MEI4: variants seen among roughly 807,000 people sequenced by gnomAD.
The protein encoded by MEI4 is meiosis-specific protein MEI4.
A neutral mutation model predicts 31.4 loss-of-function variants in MEI4; 27 were observed. The observed-to-expected ratio is 0.86, with a 90% confidence interval of 0.63 to 1.19. The LOEUF is 1.19. Ranked by LOEUF, MEI4 falls within the 50% of genes most tolerant of loss-of-function variation. The pLI, the probability that MEI4 is intolerant of heterozygous loss-of-function variation, is 0.00. For synonymous variants in MEI4, 122 were observed against 145.4 expected (o/e 0.84, Z 1.16); for missense variants, 329 against 398.9 (o/e 0.82, Z 1.49).
At chr6:77,881,808 T>C (rs1490640591) in intron 4 of MEI4, among the ~76,000 whole-genome samples, 4 of 152,186 alleles carry the variant, frequency 2.6e-5, no homozygotes, top group African/African-American at 9.7e-5. Context: ...GTGTGAAATA[T>C]AAGGGGAAAG....
chr6:77,780,361 T>TAA (rs1479277953), intron 3 of MEI4, among the ~76,000 whole-genome samples: 2 of 152,190 alleles, frequency 1.3e-5, no homozygotes, highest in African/African-American at 4.8e-5. Flanking sequence ...ATTAATTACC[T>TAA]ACAGGTGTGT....
intron 4 of MEI4, among the ~76,000 whole-genome samples, chr6:77,841,996 GT>G (rs1189022485): frequency 6.6e-6 from 1 of 151,984 alleles, no homozygotes; most frequent in Non-Finnish European, 1.5e-5. Flanking sequence ...ATACTTGAAG[GT>G]TTCATTACTC....
At chr6:77,780,865 G>A (rs929235321) in intron 3 of MEI4, among the ~76,000 whole-genome samples, 4 of 151,824 alleles carry the variant, frequency 2.6e-5, no homozygotes, top group African/African-American at 7.3e-5. Flanking sequence ...CATCAAGTAT[G>A]CTCCAATAAG....
chr6:77,866,655 A>T lies in MEI4; in HGVS notation c.900+37593A>T, dbSNP rs561429852. On this transcript the variant is annotated intron_variant, in intron 4 of 4. Transcript: ENST00000684080. ...TTGTGAAAATGGCCATACTGCCCAA[A>T]GTAATTTATAGATTCAGTGCCATCC... Among the ~76,000 whole-genome samples, 499 of 152,294 alleles carry T rather than the reference A, an allele frequency of 3.3e-3. 3 individuals are homozygous for T. Among genetic ancestry groups the T allele is most frequent in the Non-Finnish European group, 5.1e-3 (349 of 68,022 alleles).
intron 4 of MEI4, among the ~76,000 whole-genome samples, chr6:77,908,472 A>G (rs1356319690): frequency 6.6e-6 from 1 of 151,964 alleles, no homozygotes; most frequent in Non-Finnish European, 1.5e-5. Flanking sequence ...ATGCGGCATT[A>G]TTTCTGAGGG....
intron 4 of MEI4, among the ~76,000 whole-genome samples, chr6:77,855,890 TTGAGGCCA>T (rs2127719614): frequency 6.6e-6 from 1 of 152,274 alleles, no homozygotes; most frequent in African/African-American, 2.4e-5. Context: ...TGTTAAGTAT[TTGAGGCCA>T]TGATATGCGA....
chr6:77,752,724 A>C (rs1384170233), intron 2 of MEI4, among the ~76,000 whole-genome samples: 1 of 152,184 alleles, frequency 6.6e-6, no homozygotes, highest in African/African-American at 2.4e-5. Flanking sequence ...TTAAGCTACC[A>C]CTGACTTTCT....
intron 4 of MEI4, among the ~76,000 whole-genome samples, chr6:77,872,835 G>T (rs1469211013): frequency 1.3e-5 from 2 of 148,750 alleles, no homozygotes; most frequent in Admixed American, 6.7e-5. Flanking sequence ...GTGGTGTTTG[G>T]TTTTTTGTCC....
chr6:77,771,835 C>T (rs180996102), intron 3 of MEI4, among the ~76,000 whole-genome samples: 19 of 152,002 alleles, frequency 1.2e-4, no homozygotes, highest in Non-Finnish European at 1.6e-4. Context: ...ACCTATTGAG[C>T]ACTGTGCTTA....
intron 4 of MEI4, among the ~76,000 whole-genome samples, chr6:77,854,430 C>CTT (rs35183582): frequency 3.4e-4 from 49 of 142,382 alleles, no homozygotes; most frequent in African/African-American, 8.7e-4. Context: ...TTATAGATGC[C>CTT]TTTTTTTTTT....
At chr6:77,754,841 AACTC>A (rs968560194) in intron 2 of MEI4, among the ~76,000 whole-genome samples, 2 of 152,080 alleles carry the variant, frequency 1.3e-5, no homozygotes, top group African/African-American at 2.4e-5. Flanking sequence ...ATCTTGTGAC[AACTC>A]ACTCACTGTC....
chr6:77,661,852 A>G (rs998469826), intron 1 of MEI4, among the ~76,000 whole-genome samples: 1 of 152,088 alleles, frequency 6.6e-6, no homozygotes, highest in Non-Finnish European at 1.5e-5. Context: ...TGAAGGAGAA[A>G]AACTGGCCGT....
intron 4 of MEI4, among the ~76,000 whole-genome samples, chr6:77,916,711 G>A (rs1766557848): frequency 1.3e-5 from 2 of 151,388 alleles, no homozygotes; most frequent in South Asian, 2.1e-4. Context: ...ATCCATTCAA[G>A]TTTTATTATG....
intron 3 of MEI4, among the ~76,000 whole-genome samples, chr6:77,788,508 T>C (rs1341947919): frequency 1.3e-5 from 2 of 152,122 alleles, no homozygotes; most frequent in African/African-American, 4.8e-5. Flanking sequence ...AAAACCCCAT[T>C]GTCTCAGTCC....
chr6:77,767,460 C>T (rs1028915164), intron 3 of MEI4, among the ~76,000 whole-genome samples: 7 of 151,884 alleles, frequency 4.6e-5, no homozygotes, highest in East Asian at 3.9e-4. Context: ...TTTGGGAGGC[C>T]GAGGCAGGCA....
chr6:77,703,064 T>G (rs1278271017), intron 2 of MEI4, among the ~76,000 whole-genome samples: 1 of 152,238 alleles, frequency 6.6e-6, no homozygotes, highest in Non-Finnish European at 1.5e-5. Context: ...TCTGTCTTCC[T>G]TGTGAGACCC....
chr6:77,659,559 G>A (rs1340087852), intron 1 of MEI4, among the ~76,000 whole-genome samples: 2 of 152,066 alleles, frequency 1.3e-5, no homozygotes, highest in Non-Finnish European at 2.9e-5. Flanking sequence ...GAGTATCTAC[G>A]AGCAACCTTT....
chr6:77,918,088 C>T (rs1394488105), intron 4 of MEI4, among the ~76,000 whole-genome samples: 11 of 150,412 alleles, frequency 7.3e-5, no homozygotes, highest in East Asian at 2.0e-4. Flanking sequence ...AGATATGTGG[C>T]GTTATTTCTG....
intron 4 of MEI4, among the ~76,000 whole-genome samples, chr6:77,861,128 C>G (rs1357849104): frequency 6.6e-6 from 1 of 152,188 alleles, no homozygotes; most frequent in Non-Finnish European, 1.5e-5. Context: ...ACTTCATTGT[C>G]TGCCTCTCTT....
Sources: gnomAD v4.1 joint callset for allele counts (sites outside exome capture counted in the v4.1 genomes callset) on GRCh38, gnomAD v4.1.1 for gene constraint, MANE v1.5 for transcripts, NCBI Gene and HGNC (gene_info 2026-07-23, HGNC 2026-07-21) for gene names.